PDHX: variants seen among roughly 807,000 people sequenced by gnomAD.
PDHX encodes pyruvate dehydrogenase complex component X, also known as pyruvate dehydrogenase protein X component, mitochondrial.
In PDHX, 33 loss-of-function variants were observed where a neutral mutation model predicts 55.3. The ratio of observed to expected loss-of-function variants is 0.60; its 90% CI spans 0.45 to 0.80. The LOEUF (loss-of-function observed/expected upper bound fraction) is 0.80. PDHX is among the 30% of genes least tolerant of loss of function. The probability of loss-of-function intolerance (pLI) is 0.00; values close to 1 mark genes in which losing one functional copy is unlikely to be tolerated. For missense variants in PDHX, 622 were observed against 619.9 expected, an observed-to-expected ratio of 1.00 and a Z score of -0.04; for synonymous variants, 226 against 219.4, an observed-to-expected ratio of 1.03 and a Z score of -0.27.
chr11:34,938,068 T>G (rs1022991954), intron 2 of PDHX, among the ~76,000 whole-genome samples: 3 of 152,116 alleles, frequency 2.0e-5, no homozygotes, highest in African/African-American at 2.4e-5. Context: ...AAAAATATAG[T>G]CTCTCAAATT....
intron 5 of PDHX, among the ~76,000 whole-genome samples, chr11:34,962,765 GAAAT>G (rs1855046063): frequency 6.6e-6 from 1 of 152,094 alleles, no homozygotes; most frequent in African/African-American, 2.4e-5. Context: ...GTAAAATAAA[GAAAT>G]AAAGGTTTCT....
At chr11:34,971,175 A>G (rs955165448) in intron 7 of PDHX, among the ~76,000 whole-genome samples, 4 of 152,130 alleles carry the variant, frequency 2.6e-5, no homozygotes, top group East Asian at 1.9e-4. Context: ...GCATTTACAG[A>G]TTATTAAATT....
chr11:34,939,731 G>A (rs1321275237), intron 2 of PDHX, among the ~76,000 whole-genome samples: 3 of 152,060 alleles, frequency 2.0e-5, no homozygotes, highest in African/African-American at 4.8e-5. Flanking sequence ...CAGTATTATA[G>A]CATATAAATT....
chr11:34,946,687 C>G (rs1327224480), intron 2 of PDHX, among the ~76,000 whole-genome samples: 1 of 152,178 alleles, frequency 6.6e-6, no homozygotes, highest in Non-Finnish European at 1.5e-5. Flanking sequence ...CCCATGGTTG[C>G]TGATTAAAAT....
chr11:34,959,592 T>C (rs1590752306), intron 4 of PDHX, among the ~76,000 whole-genome samples: 4 of 151,798 alleles, frequency 2.6e-5, no homozygotes, highest in Admixed American at 2.6e-4. Flanking sequence ...CTTCCAGATA[T>C]ATATGCAAAA....
chr11:34,937,064 G>C (rs758505024), intron 2 of PDHX, among the ~76,000 whole-genome samples: 1 of 152,002 alleles, frequency 6.6e-6, no homozygotes, highest in African/African-American at 2.4e-5. Context: ...GATTATAGGC[G>C]TGAGCCACTG....
At chr11:34,966,232 A>G (rs1036876034) in intron 5 of PDHX, among the ~76,000 whole-genome samples, 1 of 152,216 alleles carries the variant, frequency 6.6e-6, no homozygotes, top group Admixed American at 6.5e-5. Flanking sequence ...TCCTGGTGAA[A>G]GCCATATTTA....
chr11:34,930,030 C>T (rs1854118444), intron 1 of PDHX, among the ~76,000 whole-genome samples: 1 of 152,198 alleles, frequency 6.6e-6, no homozygotes, highest in Non-Finnish European at 1.5e-5. Context: ...ACAAAGCAAA[C>T]ACGCATATCC....
At chr11:34,947,681 T>C in intron 3 of PDHX, 75 bp downstream of exon 3, 2 of 980,094 alleles carry the variant, frequency 2.0e-6, no homozygotes. Flanking sequence ...TAAAATTACC[T>C]TTTATTTTTG....
At chr11:34,954,331 A>G (rs1358618108) in intron 3 of PDHX, among the ~76,000 whole-genome samples, 1 of 152,248 alleles carries the variant, frequency 6.6e-6, no homozygotes, top group Non-Finnish European at 1.5e-5. Context: ...TCTGTTGGAC[A>G]TACTGCTGTA....
At chr11:34,927,930 A>G (rs1231581397) in intron 1 of PDHX, among the ~76,000 whole-genome samples, 1 of 152,106 alleles carries the variant, frequency 6.6e-6, no homozygotes, top group East Asian at 1.9e-4. Context: ...AGCAATTTCA[A>G]TTCATTTCAT....
Position 34,970,239 on chromosome 11 carries a change from A to G in PDHX, c.917A>G (p.Asp306Gly). The G allele has an allele frequency of 1.2e-6, 2 of 1,613,856 alleles. No homozygotes were observed. Among genetic ancestry groups the G allele is most frequent in the Non-Finnish European group, 8.5e-7 (1 of 1,179,754 alleles). The change falls in exon 7 of 11, where the codon GAC (aspartate) becomes GGC (glycine). Residue 306 changes from aspartate (D) to glycine (G), a missense_variant. By Grantham distance (94) the Asp-to-Gly change is moderately conservative. Transcript: ENST00000227868. ...GTACCTCATGCATATGCTACTGCTG[A>G]CTGTGACCTTGGAGCTGTTTTAAAA... ...STVPHAYATA[D>G]CDLGAVLKVR...
At chr11:34,942,406 A>G (rs1854509556) in intron 2 of PDHX, among the ~76,000 whole-genome samples, 1 of 152,236 alleles carries the variant, frequency 6.6e-6, no homozygotes, top group Non-Finnish European at 1.5e-5. Context: ...TTCCAGCCCC[A>G]TGACTTAAAA....
chr11:34,934,170 GC>G (rs1228547099), intron 2 of PDHX, among the ~76,000 whole-genome samples: 1 of 152,128 alleles, frequency 6.6e-6, no homozygotes, highest in Non-Finnish European at 1.5e-5. Context: ...AAATAGTATA[GC>G]CAGTGATCAT....
chr11:34,947,031 T>TGCTTTATTC (rs1854636502), intron 2 of PDHX, among the ~76,000 whole-genome samples: 1 of 152,242 alleles, frequency 6.6e-6, no homozygotes, highest in Non-Finnish European at 1.5e-5. Context: ...ATGCTTTATA[T>TGCTTTATTC]GCTTTATTCA....
intron 7 of PDHX, among the ~76,000 whole-genome samples, chr11:34,976,204 C>T (rs778102893): frequency 3.9e-5 from 6 of 152,074 alleles, no homozygotes; most frequent in Non-Finnish European, 7.4e-5. Flanking sequence ...TCTTTACACC[C>T]CACATTATCT....
chr11:34,978,165 G>A lies in PDHX; in HGVS notation c.1006G>A (p.Ala336Thr). The change falls in exon 8 of 11, where the codon GCA (alanine) becomes ACA (threonine). Residue 336 changes from alanine (A) to threonine (T), a missense_variant. Physicochemically the swap from Ala to Thr is moderately conservative, Grantham distance 58. Transcript: ENST00000227868. ...AGTAAATGATTTTATCATCAAGGCA[G>A]CAGCTGTTACCCTTAAAGTAAGTAG... Reference protein sequence around the residue: ...VSVNDFIIKAAAVTLKQMPDV... With the variant: ...VSVNDFIIKATAVTLKQMPDV... The A allele has an allele frequency of 6.4e-7, 1 of 1,572,022 alleles. No individual in the cohort carries two copies. Among genetic ancestry groups the A allele is most frequent in the Non-Finnish European group, 8.8e-7 (1 of 1,141,816 alleles).
intron 2 of PDHX, among the ~76,000 whole-genome samples, chr11:34,943,004 A>G (rs2915189): frequency 0.8 from 121,270 of 152,134 alleles, 48,528 homozygotes; most frequent in African/African-American, 0.83. Flanking sequence ...GAAATGTAAA[A>G]GATAATTTGA....
intron 2 of PDHX, among the ~76,000 whole-genome samples, chr11:34,932,864 G>A (rs1009346424): frequency 1.7e-4 from 26 of 152,112 alleles, no homozygotes; most frequent in Middle Eastern, 3.4e-3. Flanking sequence ...TACAGGATTT[G>A]TTGAATAACT....
Sources: allele counts gnomAD v4.1 joint callset (sites outside exome capture counted in the v4.1 genomes callset), GRCh38; gene constraint gnomAD v4.1.1; transcripts MANE v1.5; gene names NCBI Gene and HGNC (gene_info 2026-07-23, HGNC 2026-07-21).